Variants in SERPINI1 observed in about 807,000 individuals in gnomAD.
SERPINI1 encodes serpin family I member 1.
SERPINI1 carries 19 observed loss-of-function variants against 41.1 expected under a neutral mutation model. The observed-to-expected ratio is 0.46, with a 90% CI of 0.32 to 0.68. The LOEUF is 0.68. Ranked by LOEUF, SERPINI1 falls within the 30% of genes least tolerant of loss-of-function variation. The pLI, the probability that SERPINI1 is intolerant of heterozygous loss-of-function variation, is 0.03. For synonymous variants in SERPINI1, 138 were observed against 156.6 expected (o/e 0.88, Z 0.89); for missense variants, 460 against 479.2 (o/e 0.96, Z 0.37).
At chr3:167,811,291 G>A (rs1484011423) in intron 6 of SERPINI1, among the ~76,000 whole-genome samples, 2 of 151,216 alleles carry the variant, frequency 1.3e-5, no homozygotes, top group Non-Finnish European at 2.9e-5. Context: ...ATGCCCAGGA[G>A]AGCTCCTCCA....
chr3:167,781,714 C>G (rs1340668709), intron 1 of SERPINI1, among the ~76,000 whole-genome samples: 1 of 137,232 alleles, frequency 7.3e-6, no homozygotes, highest in African/African-American at 2.7e-5. Flanking sequence ...GGACACTTCT[C>G]TCTTTTTCTC....
intron 1 of SERPINI1, among the ~76,000 whole-genome samples, chr3:167,771,881 T>C (rs756821083): frequency 6.6e-6 from 1 of 152,236 alleles, no homozygotes; most frequent in Non-Finnish European, 1.5e-5. Flanking sequence ...ACATGGAATT[T>C]AGCAGAGTCG....
intron 1 of SERPINI1, among the ~76,000 whole-genome samples, chr3:167,747,154 C>T (rs1476564592): frequency 2.0e-5 from 3 of 152,192 alleles, no homozygotes; most frequent in Admixed American, 2.0e-4. Context: ...TAAGCAAAAA[C>T]ACCAAACACA....
chr3:167,739,037 A>T (rs1196599576), intron 1 of SERPINI1, among the ~76,000 whole-genome samples: 2 of 151,912 alleles, frequency 1.3e-5, no homozygotes, highest in Non-Finnish European at 2.9e-5. Context: ...AATTAAGCAA[A>T]TTCCAAAGGT....
intron 6 of SERPINI1, among the ~76,000 whole-genome samples, chr3:167,811,951 A>T (rs1194332976): frequency 6.6e-6 from 1 of 152,202 alleles, no homozygotes; most frequent in Non-Finnish European, 1.5e-5. Flanking sequence ...TATGTGATAA[A>T]ATTGTATCTT....
intron 1 of SERPINI1, among the ~76,000 whole-genome samples, chr3:167,783,273 TG>T (rs796295639): frequency 4.6e-5 from 7 of 152,010 alleles, no homozygotes; most frequent in African/African-American, 1.7e-4. Context: ...ATGGAATGAG[TG>T]TTTGACAATG....
chr3:167,775,567 T>G (rs776125837), intron 1 of SERPINI1, among the ~76,000 whole-genome samples: 2 of 152,122 alleles, frequency 1.3e-5, no homozygotes, highest in African/African-American at 4.8e-5. Context: ...TTTTAGACTT[T>G]CAGGGACACA....
At chr3:167,772,893 T>TATAC (rs1391850018) in intron 1 of SERPINI1, among the ~76,000 whole-genome samples, 94 of 52,234 alleles carry the variant, frequency 1.8e-3, no homozygotes, top group South Asian at 2.6e-3. Flanking sequence ...TATATATATA[T>TATAC]ACACACACAC....
chr3:167,736,673 A>G (rs1266796981), intron 1 of SERPINI1, among the ~76,000 whole-genome samples: 1 of 152,220 alleles, frequency 6.6e-6, no homozygotes, highest in African/African-American at 2.4e-5. Context: ...GGTTCAGTTT[A>G]AAACACATGT....
intron 5 of SERPINI1, among the ~76,000 whole-genome samples, chr3:167,800,306 C>A (rs1727859217): frequency 6.6e-6 from 1 of 152,142 alleles, no homozygotes; most frequent in Non-Finnish European, 1.5e-5. Context: ...AGTATAAAAT[C>A]TGCTACAGCG....
At chr3:167,787,330 C>T (rs1727348123) in intron 1 of SERPINI1, among the ~76,000 whole-genome samples, 1 of 152,202 alleles carries the variant, frequency 6.6e-6, no homozygotes, top group Admixed American at 6.5e-5. Flanking sequence ...ACCAGTAACA[C>T]AGTCATTTAT....
At chr3:167,785,843 C>G (rs1400541841) in intron 1 of SERPINI1, among the ~76,000 whole-genome samples, 1 of 152,032 alleles carries the variant, frequency 6.6e-6, no homozygotes, top group African/African-American at 2.4e-5. Flanking sequence ...CAGTGGTTTC[C>G]AAATAGTTGT....
intron 1 of SERPINI1, among the ~76,000 whole-genome samples, chr3:167,751,783 C>CGATA (rs1043340722): frequency 2.0e-5 from 3 of 151,476 alleles, no homozygotes; most frequent in Non-Finnish European, 4.4e-5. Context: ...TTTTCATGTA[C>CGATA]GATAATAAAG....
chr3:167,769,105 T>C (rs1162479272), intron 1 of SERPINI1, among the ~76,000 whole-genome samples: 1 of 152,162 alleles, frequency 6.6e-6, no homozygotes, highest in Non-Finnish European at 1.5e-5. Context: ...AGAGTTCTCC[T>C]GCCTCAGCCT....
intron 5 of SERPINI1, among the ~76,000 whole-genome samples, chr3:167,796,441 A>T (rs1727713341): frequency 6.6e-6 from 1 of 152,042 alleles, no homozygotes; most frequent in Admixed American, 6.6e-5. Context: ...AGTTTGCTGC[A>T]CCTATCAACT....
intron 1 of SERPINI1, among the ~76,000 whole-genome samples, chr3:167,752,731 A>G (rs933636504): frequency 4.6e-5 from 7 of 151,994 alleles, no homozygotes; most frequent in African/African-American, 1.7e-4. Flanking sequence ...CCCCTACCTC[A>G]TAAGCCAGCC....
At chr3:167,768,987 T>C (rs1577407543) in intron 1 of SERPINI1, among the ~76,000 whole-genome samples, 1 of 150,148 alleles carries the variant, frequency 6.7e-6, no homozygotes, top group South Asian at 2.1e-4. Context: ...TTCTTTTGTT[T>C]GTTTGTTTGT....
intron 1 of SERPINI1, among the ~76,000 whole-genome samples, chr3:167,739,110 TC>T (rs371208866): frequency 3.3e-5 from 5 of 150,072 alleles, no homozygotes; most frequent in South Asian, 4.2e-4. Flanking sequence ...TTTTGTTGTT[TC>T]TTTTTTTTTT....
intron 7 of SERPINI1, among the ~76,000 whole-genome samples, chr3:167,823,484 C>A (rs533056377): frequency 6.2e-4 from 95 of 152,178 alleles, no homozygotes; most frequent in African/African-American, 2.2e-3. Context: ...GGTTACATGG[C>A]AAATGTATAT....
Sources: allele counts gnomAD v4.1 joint callset (sites outside exome capture counted in the v4.1 genomes callset), GRCh38; gene constraint gnomAD v4.1.1; transcripts MANE v1.5; gene names NCBI Gene and HGNC (gene_info 2026-07-23, HGNC 2026-07-21).